MYO1H: variants seen among roughly 807,000 people sequenced by gnomAD.
MYO1H encodes the protein unconventional myosin-Ih.
A neutral mutation model predicts 149.3 loss-of-function variants in MYO1H; 118 were observed. The observed-to-expected ratio is 0.79, with a 90% CI of 0.68 to 0.92. The LOEUF (loss-of-function observed/expected upper bound fraction) is 0.92, where lower values mean the gene tolerates loss of function less well. MYO1H is among the 40% of genes least tolerant of loss of function. MYO1H has a pLI of 0.00. For missense variants in MYO1H, 1,212 were observed against 1,280.7 expected (o/e 0.95, Z 0.82); for synonymous variants, 447 against 465.2 (o/e 0.96, Z 0.50).
Position 109,436,102 on chromosome 12 carries a change from G to T in MYO1H, c.2141-386G>T, listed in dbSNP as rs868107651. On this transcript the variant is annotated intron_variant, in intron 21 of 31. Transcript: ENST00000310903. ...ATTCATGCTCCTCCTTAGCTGTGTT[G>T]CCCGGCAAGCGTCTTCACCATCTGT... 4.6e-5 allele frequency among the ~76,000 whole-genome samples: 7 copies of T among 152,280 alleles called. 1 individual carries two copies. The Middle Eastern group carries it at 0.017, about 370-fold the overall frequency.
chr12:109,427,384 C>G, intron 18 of MYO1H, 85 bp from the exon 19 acceptor site: 1 of 820,448 alleles, frequency 1.2e-6, no homozygotes, highest in Admixed American at 1.8e-5. Context: ...GCCCACTGAA[C>G]TTCAGCTTGC....
chr12:109,314,878 T>C, the MYO1H span, among the ~76,000 whole-genome samples: 2 of 152,050 alleles, frequency 1.3e-5, no homozygotes, highest in Non-Finnish European at 2.9e-5. Context: ...GGTCAGCAGA[T>C]CACTTGAGCC....
chr12:109,395,577 T>C (rs902237271), intron 3 of MYO1H, among the ~76,000 whole-genome samples: 2 of 149,848 alleles, frequency 1.3e-5, no homozygotes, highest in African/African-American at 4.9e-5. Context: ...CTACTAAAAA[T>C]AAAAAAATTA....
chr12:109,349,468 G>T (rs1868406036), intron 1 of MYO1H, among the ~76,000 whole-genome samples: 1 of 149,712 alleles, frequency 6.7e-6, no homozygotes, highest in African/African-American at 2.5e-5. Flanking sequence ...CTTGAGACCA[G>T]CATGAGCAAC....
intron 1 of MYO1H, among the ~76,000 whole-genome samples, chr12:109,378,645 A>T (rs992392825): frequency 2.0e-5 from 3 of 152,152 alleles, no homozygotes; most frequent in African/African-American, 7.2e-5. Context: ...CCCACCAACA[A>T]TGGATGAGGG....
chr12:109,445,065 T>C (rs1040993006), intron 30 of MYO1H, among the ~76,000 whole-genome samples: 1 of 152,158 alleles, frequency 6.6e-6, no homozygotes, highest in Non-Finnish European at 1.5e-5. Flanking sequence ...AGAAATGAAG[T>C]CAGTGAAGGC....
intron 14 of MYO1H, among the ~76,000 whole-genome samples, chr12:109,414,518 T>C (rs975061904): frequency 6.6e-6 from 1 of 151,124 alleles, no homozygotes; most frequent in African/African-American, 2.4e-5. Context: ...ATCAAGAATC[T>C]GTAGAAACTG....
chr12:109,430,007 T>C (rs1871543093), intron 19 of MYO1H, among the ~76,000 whole-genome samples: 1 of 152,258 alleles, frequency 6.6e-6, no homozygotes, highest in South Asian at 2.1e-4. Context: ...ATAAGGGCAC[T>C]AATCTCATTT....
the MYO1H span, among the ~76,000 whole-genome samples, chr12:109,318,960 GTTTTTGGTTTTGTTTT>G: frequency 1.3e-5 from 1 of 77,938 alleles, no homozygotes; most frequent in African/African-American, 6.6e-5. Context: ...AACTCTCTGC[GTTTTTGGTTTTGTTTT>G]TTTTTTTTTT....
intron 1 of MYO1H, among the ~76,000 whole-genome samples, chr12:109,354,618 TAAAAA>T (rs1555247905): frequency 2.5e-5 from 3 of 119,412 alleles, no homozygotes; most frequent in Non-Finnish European, 5.2e-5. Flanking sequence ...AGACTCTGTC[TAAAAA>T]AAAAAAAAAA....
intron 13 of MYO1H, among the ~76,000 whole-genome samples, chr12:109,411,200 C>A (rs1029404513): frequency 7.2e-5 from 11 of 152,142 alleles, no homozygotes; most frequent in African/African-American, 2.4e-4. Context: ...AACTCCTGGG[C>A]TCAAGCAGTC....
intron 19 of MYO1H, among the ~76,000 whole-genome samples, chr12:109,431,115 C>T (rs1035110411): frequency 2.7e-5 from 4 of 150,408 alleles, no homozygotes; most frequent in African/African-American, 9.8e-5. Flanking sequence ...CACGGTGGCT[C>T]ACACCTGTAA....
chr12:109,381,557 C>A (rs1566021748), intron 1 of MYO1H, among the ~76,000 whole-genome samples: 1 of 152,172 alleles, frequency 6.6e-6, no homozygotes, highest in Non-Finnish European at 1.5e-5. Flanking sequence ...GTAGTCCCAG[C>A]ACTTTGGGAG....
chr12:109,431,930 G>A (rs1871638460), intron 19 of MYO1H, among the ~76,000 whole-genome samples: 1 of 149,888 alleles, frequency 6.7e-6, no homozygotes, highest in Non-Finnish European at 1.5e-5. Context: ...CGATCCTCCT[G>A]CCTCAGCCTC....
the MYO1H span, among the ~76,000 whole-genome samples, chr12:109,325,098 ATTTTCT>A: frequency 6.6e-6 from 1 of 152,054 alleles, no homozygotes; most frequent in Non-Finnish European, 1.5e-5. Context: ...TATGTACCAC[ATTTTCT>A]TTATCTAGTC....
chr12:109,409,481 T>A, intron 10 of MYO1H, 76 bp from the exon 11 acceptor site: 4 of 1,285,160 alleles, frequency 3.1e-6, no homozygotes, highest in Non-Finnish European at 4.5e-6. Context: ...AAGTCCCAGT[T>A]TAGGGGAGCA....
intron 1 of MYO1H, among the ~76,000 whole-genome samples, chr12:109,385,198 G>A (rs977033566): frequency 5.9e-5 from 9 of 152,138 alleles, no homozygotes; most frequent in Non-Finnish European, 1.2e-4. Context: ...ACTTGGAAAT[G>A]CTCGTGTTCC....
chr12:109,317,623 T>A, the MYO1H span, among the ~76,000 whole-genome samples: 3 of 152,192 alleles, frequency 2.0e-5, no homozygotes, highest in Non-Finnish European at 4.4e-5. Flanking sequence ...CACAGCAACA[T>A]AAAAGTACAG....
In MYO1H at chr12:109,447,622, G is replaced by A. The variant is rs912974906; in HGVS notation, c.*440G>A. 2.5e-5 allele frequency: 5 copies of A among 201,366 alleles called. 1 individual carries two copies. The Admixed American group carries it at 2.5e-4, about 10-fold the overall frequency. The allele number at this position is 201,366 out of a possible 1,614,324, so 12.5% of individuals were successfully genotyped here. On this transcript the variant is annotated 3_prime_UTR_variant, in exon 32 of 32. Transcript: ENST00000310903. ...TGGGCAGGGCCACTGTCTGGGTGGA[G>A]TCTGTATGTTCTCCCCATGTCTCTG...
Sources: gnomAD v4.1 joint callset for allele counts (sites outside exome capture counted in the v4.1 genomes callset) on GRCh38, gnomAD v4.1.1 for gene constraint, MANE v1.5 for transcripts, NCBI Gene and HGNC (gene_info 2026-07-23, HGNC 2026-07-21) for gene names.